Variants in SLC36A2 observed in about 807,000 individuals in gnomAD.
The protein encoded by SLC36A2 is proton-coupled amino acid transporter 2.
A neutral mutation model predicts 42.7 loss-of-function variants in SLC36A2; 39 were observed. The ratio of observed to expected loss-of-function variants is 0.91; its 90% CI spans 0.71 to 1.19. The LOEUF (loss-of-function observed/expected upper bound fraction) is 1.19. SLC36A2 is among the 50% of genes most tolerant of loss of function. The pLI is 0.00. For synonymous variants in SLC36A2, 237 were observed against 240.8 expected (o/e 0.98, Z 0.15); for missense variants, 590 against 613.7 (o/e 0.96, Z 0.41).
intron 8 of SLC36A2, 127 bp from the exon 9 acceptor site, chr5:151,322,342 G>A: frequency 9.2e-7 from 1 of 1,083,448 alleles, no homozygotes; most frequent in Non-Finnish European, 1.4e-6. Flanking sequence ...AAATGACTGA[G>A]AGGGACCTTC....
At chr5:151,326,811 C>CTTT (rs1561653730) in intron 7 of SLC36A2, among the ~76,000 whole-genome samples, 29 of 80,692 alleles carry the variant, frequency 3.6e-4, no homozygotes, top group African/African-American at 1.7e-3. Flanking sequence ...AATGAATTTA[C>CTTT]CTTTTTTTTT....
intron 2 of SLC36A2, 21 bp from the exon 3 acceptor site, chr5:151,343,619 G>A (rs541303321): frequency 6.2e-7 from 1 of 1,603,566 alleles, no homozygotes; most frequent in Admixed American, 1.7e-5. Context: ...GGGAGGCAAG[G>A]GGCGAGGGAG....
chr5:151,340,192 G>GGAA (rs1387871253), intron 4 of SLC36A2, among the ~76,000 whole-genome samples: 40 of 104,660 alleles, frequency 3.8e-4, no homozygotes, highest in Non-Finnish European at 3.8e-4. Context: ...AGGAAGAGGT[G>GGAA]GAGGAGGAGG....
Position 151,333,211 on chromosome 5 carries a change from A to G in SLC36A2, c.843+13T>C. ...AAGCACTAGGGATAAGGCCACCTCAATTCAAACCTTACCACACCAATGCTT... is the reference window on the plus strand; with the variant it reads ...AAGCACTAGGGATAAGGCCACCTCAGTTCAAACCTTACCACACCAATGCTT... On this transcript the variant is annotated intron_variant, in intron 7 of 9. Coordinates refer to ENST00000335244, the MANE Select transcript of SLC36A2 (RefSeq NM_181776.3). The G allele has an allele frequency of 1.9e-6, 3 of 1,611,718 alleles. No individual in the cohort carries two copies. The highest frequency in any genetic ancestry group is 2.5e-6 in the Non-Finnish European group (3 of 1,177,890).
intron 7 of SLC36A2, among the ~76,000 whole-genome samples, chr5:151,330,454 T>C (rs1316381266): frequency 6.6e-6 from 1 of 152,076 alleles, no homozygotes; most frequent in African/African-American, 2.4e-5. Context: ...TGCAAAAATA[T>C]CCTCTAGGAA....
chr5:151,322,100 G>T lies in SLC36A2; in HGVS notation c.1126C>A (p.Arg376Ser), dbSNP rs140044970. Residue 376 changes from arginine to serine, a missense_variant, in exon 9 of 10, where the codon CGC becomes AGC. By Grantham distance (110) the Arg-to-Ser change is moderately radical. Transcript: ENST00000335244. The stretch of plus-strand genomic sequence containing the variant: ...GACAGATCCAGAGGCAGTGCCCAGC[G>T]TGTTGACACCCGGGAGATGGCAAAG... ...IPFAISRVST[R>S]WALPLDLSIR... 1 of 1,614,088 alleles carries T rather than the reference G, an allele frequency of 6.2e-7. No homozygotes were observed. The highest frequency in any genetic ancestry group is 8.5e-7 in the Non-Finnish European group (1 of 1,180,050).
rs1477427863 is a variant in SLC36A2 at position 151,316,346 on chromosome 5, A to G, written c.*471T>C. On this transcript the variant is annotated 3_prime_UTR_variant, in exon 10 of 10. Transcript: ENST00000335244. ...ATGAAAAGAAGAAGTAATAAACAAA[A>G]CAAAAATGTAAAAAATTACCATTTA... The G allele has an allele frequency of 5.9e-6, 1 of 169,770 alleles. No homozygotes were observed. Among genetic ancestry groups the G allele is most frequent in the Non-Finnish European group, 1.3e-5 (1 of 78,450 alleles). 10.5% of individuals were successfully genotyped at this position (169,770 alleles called of 1,614,324 possible). A position where few individuals can be genotyped will look rare whatever the true frequency, so the allele number is the denominator to read the frequency against.
chr5:151,346,300 A>G (rs1280002691), intron 1 of SLC36A2, among the ~76,000 whole-genome samples: 3 of 152,192 alleles, frequency 2.0e-5, no homozygotes, highest in Non-Finnish European at 4.4e-5. Context: ...GCGACAGCAC[A>G]GGCAGCAGGG....
intron 4 of SLC36A2, among the ~76,000 whole-genome samples, chr5:151,340,359 C>G (rs1349023053): frequency 6.6e-6 from 1 of 152,116 alleles, no homozygotes; most frequent in Non-Finnish European, 1.5e-5. Flanking sequence ...ATGACACATT[C>G]AGAATCTGAA....
At chr5:151,324,362 C>T (rs1755792963) in intron 8 of SLC36A2, among the ~76,000 whole-genome samples, 1 of 150,074 alleles carries the variant, frequency 6.7e-6, no homozygotes. Flanking sequence ...GATGGAGTTT[C>T]ACTCTTGTTG....
chr5:151,322,029 C>T lies in SLC36A2; in HGVS notation c.1180+17G>A. ...AGAAAAGATCAGCAGGAACACTGCA[C>T]TCTCCTTTCTACTCACATGTCAGGC... is the stretch of plus-strand genomic sequence containing the variant. On this transcript the variant is annotated intron_variant, in intron 9 of 9. Transcript: ENST00000335244. 1.2e-6 allele frequency: 2 copies of T among 1,614,090 alleles called. No homozygotes were observed. The highest frequency in any genetic ancestry group is 1.7e-6 in the Non-Finnish European group (2 of 1,179,982).
At chr5:151,325,880 A>G (rs1486235409) in intron 7 of SLC36A2, among the ~76,000 whole-genome samples, 1 of 152,182 alleles carries the variant, frequency 6.6e-6, no homozygotes, top group Non-Finnish European at 1.5e-5. Context: ...TGAGGAGAGT[A>G]TGGGGAGTTA....
At chr5:151,321,116 A>G (rs1755672710) in intron 9 of SLC36A2, among the ~76,000 whole-genome samples, 1 of 151,728 alleles carries the variant, frequency 6.6e-6, no homozygotes. Flanking sequence ...GCACACAGTA[A>G]GTGTTCAATA....
intron 4 of SLC36A2, among the ~76,000 whole-genome samples, chr5:151,340,687 A>G (rs1294496425): frequency 6.6e-6 from 1 of 152,214 alleles, no homozygotes. Flanking sequence ...TTACTGCTGA[A>G]AGGTTCTCTA....
chr5:151,347,440 A>G lies in SLC36A2; in HGVS notation c.21T>C (p.Thr7=), dbSNP rs1224551097. The change falls in exon 1 of 10, where the codon ACT becomes ACC. Residue 7 remains threonine (T), a synonymous_variant. Coordinates refer to ENST00000335244, the MANE Select transcript of SLC36A2 (RefSeq NM_181776.3). ...TGGCAACGGCTCCCTGGGGACCCTC[A>G]GTACTTTTTGTCACAGACATGACTG... MSVTKS[T]EGPQGAVAIK... is the part of the protein sequence containing the mutation. 6.2e-7 allele frequency: 1 copy of G among 1,614,132 alleles called. No homozygotes were observed. The highest frequency in any genetic ancestry group is 1.1e-5 in the South Asian group (1 of 91,086).
At chr5:151,337,553 AGAT>A (rs1756195821) in intron 5 of SLC36A2, among the ~76,000 whole-genome samples, 1 of 152,250 alleles carries the variant, frequency 6.6e-6, no homozygotes, top group Admixed American at 6.5e-5. Flanking sequence ...CAATAAATGC[AGAT>A]GATAAGTATA....
rs1227795006 is a variant in SLC36A2, at chr5:151,335,456, A to G, written c.617T>C (p.Leu206Pro). ...TPTMDSRLYM[L>P]SFLPFLVLLV... ...CAGCACCAGGAAGGGCAGGAAGGAG[A>G]GCATGTAGAGTCGCGAGTCCATGGT... The change falls in exon 6 of 10, where the codon CTC becomes CCC. Residue 206 changes from leucine (L) to proline (P), a missense_variant. Transcript: ENST00000335244. The G allele has an allele frequency of 6.2e-7, 1 of 1,614,098 alleles. No individual in the cohort carries two copies. The highest frequency in any genetic ancestry group is 1.7e-5 in the Admixed American group (1 of 60,018).
Position 151,335,419 on chromosome 5 carries a change from G to T in SLC36A2, c.654C>A (p.Ile218=). ...FLPFLVLLVL[I]RNLRILTIFS... ...AGATGGTCAAGATCCTGAGGTTCCG[G>T]ATGAGGACCAGCAGCACCAGGAAGG... The change falls in exon 6 of 10, where the codon ATC becomes ATA. Residue 218 remains isoleucine, a synonymous_variant. Transcript: ENST00000335244. The T allele has an allele frequency of 6.2e-7, 1 of 1,614,180 alleles. No homozygotes were observed. Among genetic ancestry groups the T allele is most frequent in the Non-Finnish European group, 8.5e-7 (1 of 1,180,040 alleles).
chr5:151,339,328 T>TC lies in SLC36A2; in HGVS notation c.441-185_441-184insG, dbSNP rs1756251958. ...AGGTAACAATCGTTCTTTTTTTTTT[T>TC]TTTTAGAAGGAGTTTTGCTCTTGTT... is the stretch of plus-strand genomic sequence containing the variant. On this transcript the variant is annotated intron_variant, in intron 4 of 9. Transcript: ENST00000335244. 2.0e-5 allele frequency among the ~76,000 whole-genome samples: 3 copies of TC among 151,950 alleles called. No homozygotes were observed. In the South Asian group the frequency reaches 6.2e-4, roughly 32 times the overall value.
Sources: gnomAD v4.1 joint callset for allele counts (sites outside exome capture counted in the v4.1 genomes callset) on GRCh38, gnomAD v4.1.1 for gene constraint, MANE v1.5 for transcripts, NCBI Gene and HGNC (gene_info 2026-07-23, HGNC 2026-07-21) for gene names.